Variants in WIPF2 observed in about 807,000 individuals in gnomAD.
The protein encoded by WIPF2 is WAS/WASL interacting protein family member 2, also known as WAS/WASL-interacting protein family member 2.
Under a neutral mutation model 38.8 loss-of-function variants are expected in WIPF2, and 23 were observed. The ratio of observed to expected loss-of-function variants is 0.59; its 90% confidence interval spans 0.43 to 0.84. The LOEUF (loss-of-function observed/expected upper bound fraction) is 0.84, where lower values mean the gene tolerates loss of function less well. Among genes scored for constraint, WIPF2 ranks in the 40% least tolerant of loss-of-function variants. The probability of loss-of-function intolerance (pLI) is 0.00; values close to 1 mark genes in which losing one functional copy is unlikely to be tolerated. For missense variants in WIPF2, 574 were observed against 580.5 expected (o/e 0.99, Z 0.11); for synonymous variants, 210 against 223.2 (o/e 0.94, Z 0.53).
At chr17:40,233,505 T>G (rs1335815895) in intron 1 of WIPF2, among the ~76,000 whole-genome samples, 1 of 152,070 alleles carries the variant, frequency 6.6e-6, no homozygotes, top group Non-Finnish European at 1.5e-5. Flanking sequence ...TTTTTTTTTT[T>G]GATAGATGAA....
chr17:40,276,454 G>A (rs1248746340), intron 6 of WIPF2, among the ~76,000 whole-genome samples: 1 of 143,586 alleles, frequency 7.0e-6, no homozygotes, highest in Non-Finnish European at 1.5e-5. Flanking sequence ...TTGGGAGGTG[G>A]AGGTTGCAGT....
At chr17:40,269,439 A>T (rs1377602543) in intron 5 of WIPF2, among the ~76,000 whole-genome samples, 1 of 151,384 alleles carries the variant, frequency 6.6e-6, no homozygotes, top group Non-Finnish European at 1.5e-5. Flanking sequence ...TGAGCCCAGG[A>T]GGCAGAGGCT....
chr17:40,261,668 GTTTTTTTTTT>G (rs1225742278), intron 3 of WIPF2, among the ~76,000 whole-genome samples: 3 of 117,480 alleles, frequency 2.6e-5, no homozygotes, highest in African/African-American at 9.5e-5. Flanking sequence ...TGTTGTTGTT[GTTTTTTTTTT>G]TTGGTTTTTT....
At chr17:40,223,589 T>A (rs563257721) in intron 1 of WIPF2, among the ~76,000 whole-genome samples, 42 of 148,072 alleles carry the variant, frequency 2.8e-4, no homozygotes, top group African/African-American at 9.9e-4. Context: ...AAGAGAAAAT[T>A]TTTTTTTGGG....
chr17:40,273,948 C>T lies in WIPF2; in HGVS notation c.1129C>T (p.Pro377Ser). Reference sequence around the variant, plus strand: ...TGGGCCACCCCCTCCTCCTCCACCGCCCCTGAGGAATGGCCACAGAGATTC... The same window carrying T: ...TGGGCCACCCCCTCCTCCTCCACCGTCCCTGAGGAATGGCCACAGAGATTC... ...PAGPPPPPPP[P>S]LRNGHRDSIT... is the part of the protein sequence containing the mutation. The change falls in exon 6 of 8, where the codon CCC becomes TCC. Residue 377 changes from proline (P) to serine (S), a missense_variant. Transcript: ENST00000323571. The T allele has an allele frequency of 1.3e-6, 2 of 1,590,248 alleles. No homozygotes were observed. The highest frequency in any genetic ancestry group is 1.7e-6 in the Non-Finnish European group (2 of 1,168,006).
rs180746385 is a variant in WIPF2, at chr17:40,257,292, G to A, written c.63+770G>A. Among the ~76,000 whole-genome samples, 8 of 152,100 alleles carry A rather than the reference G, an allele frequency of 5.3e-5. No homozygotes were observed. In the East Asian group the frequency reaches 1.6e-3, roughly 29 times the overall value. On this transcript the variant is annotated intron_variant, in intron 2 of 7. Transcript: ENST00000323571. ...GCGCCCGGCTTGAGGATTCTTAGTG[G>A]TTGTTTCTTGCTACCACTTCATCAT...
intron 1 of WIPF2, among the ~76,000 whole-genome samples, chr17:40,255,396 C>T (rs2031688387): frequency 1.3e-5 from 2 of 151,902 alleles, no homozygotes; most frequent in Admixed American, 1.3e-4. Flanking sequence ...GACATCTGCT[C>T]ACCCCAACAA....
chr17:40,276,569 G>T (rs1420979181), intron 6 of WIPF2, among the ~76,000 whole-genome samples: 3 of 147,692 alleles, frequency 2.0e-5, no homozygotes, highest in African/African-American at 7.5e-5. Context: ...CTGCTACCAT[G>T]CAAACAACTG....
At chr17:40,249,007 G>T (rs529812634) in intron 1 of WIPF2, among the ~76,000 whole-genome samples, 2 of 152,174 alleles carry the variant, frequency 1.3e-5, no homozygotes, top group South Asian at 2.1e-4. Flanking sequence ...TTTAAGGTCA[G>T]TTTTTTTCCC....
chr17:40,282,111 CAAAAAAAAAAA>C lies in WIPF2; in HGVS notation c.*3899_*3909del, dbSNP rs71355445. ...CTACAACCACCATCAAAACCACACG[CAAAAAAAAAAA>C]AAAAAAAAAAAAGGATAACTTTAAC... On this transcript the variant is annotated 3_prime_UTR_variant, in exon 8 of 8. Coordinates refer to ENST00000323571, the MANE Select transcript of WIPF2 (RefSeq NM_133264.5). 12 of 51,138 alleles carry C rather than the reference CAAAAAAAAAAA, an allele frequency of 2.3e-4. No individual in the cohort carries two copies. The highest frequency in any genetic ancestry group is 3.9e-4 in the Non-Finnish European group (10 of 25,638). 3.2% of individuals were successfully genotyped at this position (51,138 alleles called of 1,614,324 possible). A position where few individuals can be genotyped will look rare whatever the true frequency, so the allele number is the denominator to read the frequency against.
intron 3 of WIPF2, 87 bp from the exon 4 acceptor site, chr17:40,262,438 C>G: frequency 9.5e-7 from 1 of 1,049,128 alleles, no homozygotes; most frequent in Non-Finnish European, 1.5e-6. Flanking sequence ...AGCGATAGCC[C>G]AGATAGAGGA....
intron 1 of WIPF2, among the ~76,000 whole-genome samples, chr17:40,244,828 C>T (rs933887056): frequency 6.6e-6 from 1 of 152,122 alleles, no homozygotes; most frequent in Non-Finnish European, 1.5e-5. Context: ...ATGCTCTTTC[C>T]CCAGATGTTT....
intron 2 of WIPF2, among the ~76,000 whole-genome samples, chr17:40,259,895 G>A (rs150852060): frequency 2.2e-3 from 339 of 152,272 alleles, no homozygotes; most frequent in African/African-American, 7.6e-3. Flanking sequence ...CTAAATGTTT[G>A]CCTTGATGGT....
intron 1 of WIPF2, among the ~76,000 whole-genome samples, chr17:40,250,920 T>C (rs1440293663): frequency 6.9e-6 from 1 of 143,928 alleles, no homozygotes; most frequent in South Asian, 2.3e-4. Flanking sequence ...GATTCTTTTT[T>C]TTTTTTTTTT....
In WIPF2 at chr17:40,222,654, G is replaced by GTTTT. The variant is rs58758484; in HGVS notation, c.-70+3192_-70+3195dup. 7.0e-4 allele frequency among the ~76,000 whole-genome samples: 37 copies of GTTTT among 52,864 alleles called. 3 individuals carry two copies. The highest frequency in any genetic ancestry group is 3.2e-3 in the East Asian group (4 of 1,252). The allele number at this position is 52,864 out of a possible 152,430, so 34.7% of individuals were successfully genotyped here. On this transcript the variant is annotated intron_variant, in intron 1 of 7. Transcript: ENST00000323571. ...CTGGTTTTGATTTGATGCATATTCA[G>GTTTT]TTTTTTTTTTTTTTTTTTTTTTTTT...
chr17:40,274,949 A>AG, intron 6 of WIPF2, among the ~76,000 whole-genome samples: 1 of 150,714 alleles, frequency 6.6e-6, no homozygotes, highest in Non-Finnish European at 1.5e-5. Context: ...AAAAAAAAAA[A>AG]AAAAAGTCGG....
intron 2 of WIPF2, among the ~76,000 whole-genome samples, chr17:40,259,059 T>G (rs1170803755): frequency 1.3e-5 from 2 of 149,072 alleles, no homozygotes; most frequent in Non-Finnish European, 3.0e-5. Flanking sequence ...TTTTTTTTTT[T>G]GTAAAGGCAG....
intron 1 of WIPF2, among the ~76,000 whole-genome samples, chr17:40,238,467 C>G (rs2031065489): frequency 6.6e-6 from 1 of 151,754 alleles, no homozygotes. Context: ...TCATGCCCGG[C>G]TAATTTTTGT....
chr17:40,248,326 G>A (rs1277630426), intron 1 of WIPF2, among the ~76,000 whole-genome samples: 3 of 151,548 alleles, frequency 2.0e-5, no homozygotes, highest in African/African-American at 7.3e-5. Context: ...CACCGTGCCT[G>A]GCTAATTTTT....
Sources: allele counts gnomAD v4.1 joint callset (sites outside exome capture counted in the v4.1 genomes callset), GRCh38; gene constraint gnomAD v4.1.1; transcripts MANE v1.5; gene names NCBI Gene and HGNC (gene_info 2026-07-23, HGNC 2026-07-21).